WWOX: variants seen among roughly 807,000 people sequenced by gnomAD.
The protein encoded by WWOX is WW domain-containing oxidoreductase.
WWOX carries 69 observed loss-of-function variants against 46.2 expected under a neutral mutation model. The ratio of observed to expected loss-of-function variants is 1.49; its 90% confidence interval spans 1.23 to 1.82. WWOX has a LOEUF of 1.82. WWOX is among the 40% of genes most tolerant of loss of function. The probability of loss-of-function intolerance (pLI) is 0.00; values close to 1 mark genes in which losing one functional copy is unlikely to be tolerated. For missense variants in WWOX, 919 were observed against 542.6 expected (o/e 1.69, Z -6.89); for synonymous variants, 359 against 202.6 (o/e 1.77, Z -6.56).
rs536958569 is a variant in WWOX, at chr16:78,245,856, A to G, written c.516+81567A>G. Reference sequence around the variant, plus strand: ...TTCCAGGTCATAATTAACCTCTTCAAAATAAGAGCAAAGAAAGGCAGGAAA... The same window carrying G: ...TTCCAGGTCATAATTAACCTCTTCAGAATAAGAGCAAAGAAAGGCAGGAAA... On this transcript the variant is annotated intron_variant, in intron 5 of 8. Transcript: ENST00000566780. Among the ~76,000 whole-genome samples the G allele has an allele frequency of 1.6e-4, 25 of 152,324 alleles. No homozygotes were observed. The South Asian group carries it at 2.9e-3, about 18-fold the overall frequency.
intron 8 of WWOX, among the ~76,000 whole-genome samples, chr16:78,718,988 A>G (rs1176831015): frequency 1.3e-5 from 2 of 152,156 alleles, no homozygotes; most frequent in Non-Finnish European, 2.9e-5. Context: ...TGAGTCTGTA[A>G]GATCCCAGGC....
chr16:79,196,668 C>G (rs1330797931), intron 8 of WWOX, among the ~76,000 whole-genome samples: 2 of 152,132 alleles, frequency 1.3e-5, no homozygotes, highest in Non-Finnish European at 2.9e-5. Context: ...TCATCCTGTA[C>G]ACTACCTCCA....
In WWOX at chr16:78,472,845, T is replaced by G. The variant is rs575198698; in HGVS notation, c.1056+40093T>G. Among the ~76,000 whole-genome samples the G allele has an allele frequency of 2.4e-4, 35 of 148,336 alleles. No individual in the cohort carries two copies. In the South Asian group the frequency reaches 6.5e-3, roughly 28 times the overall value. ...AAAAAAAAAAAAAAAAATTATGTCA[T>G]TTCGTTGTCACAGCGTCAGCAGAAT... On this transcript the variant is annotated intron_variant, in intron 8 of 8. Coordinates refer to ENST00000566780, the MANE Select transcript of WWOX (RefSeq NM_016373.4).
chr16:78,865,911 G>A (rs774329512), intron 8 of WWOX, among the ~76,000 whole-genome samples: 4 of 152,128 alleles, frequency 2.6e-5, no homozygotes, highest in Non-Finnish European at 5.9e-5. Flanking sequence ...TGGCCTTTGT[G>A]ATAGTTACTC....
chr16:78,969,494 C>T (rs868626514), intron 8 of WWOX, among the ~76,000 whole-genome samples: 1 of 152,130 alleles, frequency 6.6e-6, no homozygotes, highest in Non-Finnish European at 1.5e-5. Flanking sequence ...TGGTCTCAAA[C>T]TCCTGACCTC....
intron 4 of WWOX, among the ~76,000 whole-genome samples, chr16:78,115,435 G>C (rs1349949295): frequency 4.6e-5 from 7 of 152,146 alleles, no homozygotes; most frequent in Non-Finnish European, 7.4e-5. Flanking sequence ...CCGTCTAAGA[G>C]TTTTTGACCT....
chr16:78,685,115 C>T (rs992306769), intron 8 of WWOX, among the ~76,000 whole-genome samples: 1 of 152,200 alleles, frequency 6.6e-6, no homozygotes, highest in Non-Finnish European at 1.5e-5. Flanking sequence ...ATCTCCACTT[C>T]TCTCTGCAGC....
chr16:79,132,971 T>C (rs2049911103), intron 8 of WWOX, among the ~76,000 whole-genome samples: 1 of 152,202 alleles, frequency 6.6e-6, no homozygotes, highest in Non-Finnish European at 1.5e-5. Flanking sequence ...CCTGGGTCTG[T>C]TCTGTCACTT....
intron 8 of WWOX, among the ~76,000 whole-genome samples, chr16:79,062,587 A>C (rs547669897): frequency 6.6e-6 from 1 of 152,196 alleles, no homozygotes. Flanking sequence ...AGGGGTGGAG[A>C]GTAATGACAA....
At chr16:78,445,368 A>C (rs1396535257) in intron 8 of WWOX, among the ~76,000 whole-genome samples, 1 of 152,166 alleles carries the variant, frequency 6.6e-6, no homozygotes, top group East Asian at 1.9e-4. Context: ...ATGTGCATGC[A>C]TTCATTCATT....
At chr16:78,561,383 C>A (rs1203622830) in intron 8 of WWOX, among the ~76,000 whole-genome samples, 1 of 152,140 alleles carries the variant, frequency 6.6e-6, no homozygotes, top group Non-Finnish European at 1.5e-5. Context: ...ATGTCTAGGT[C>A]TGGATTTCAA....
rs554162911 is a variant in WWOX at position 78,796,018 on chromosome 16, A to G, written c.1056+363266A>G. ...ATGTTTAAATATCCTAAGACCCACT[A>G]AGGAAGTTTGTGGCAATATTTGCTC... On this transcript the variant is annotated intron_variant, in intron 8 of 8. Coordinates refer to ENST00000566780, the MANE Select transcript of WWOX (RefSeq NM_016373.4). Among the ~76,000 whole-genome samples the G allele has an allele frequency of 2.0e-5, 3 of 152,284 alleles. No homozygotes were observed. The South Asian group carries it at 6.2e-4, about 32-fold the overall frequency.
At chr16:78,738,512 C>T (rs1455267481) in intron 8 of WWOX, among the ~76,000 whole-genome samples, 3 of 151,954 alleles carry the variant, frequency 2.0e-5, no homozygotes, top group Non-Finnish European at 4.4e-5. Flanking sequence ...GGAGTATTGG[C>T]ATATGTTAAA....
chr16:78,557,890 T>C (rs886335235), intron 8 of WWOX, among the ~76,000 whole-genome samples: 1 of 151,942 alleles, frequency 6.6e-6, no homozygotes, highest in Admixed American at 6.6e-5. Flanking sequence ...AGAAACAGTG[T>C]TTCACCAGGT....
intron 8 of WWOX, among the ~76,000 whole-genome samples, chr16:78,991,869 C>T (rs2046894214): frequency 6.6e-6 from 1 of 152,136 alleles, no homozygotes; most frequent in African/African-American, 2.4e-5. Flanking sequence ...ATGTGGGGCC[C>T]TGTGGTCTTG....
At chr16:78,350,194 T>C (rs150242477) in intron 5 of WWOX, among the ~76,000 whole-genome samples, 1,709 of 121,422 alleles carry the variant, frequency 0.014, 423 homozygotes, top group Middle Eastern at 0.044. Context: ...TTGCCTGATA[T>C]GTCTCCATCA....
chr16:78,815,398 C>G (rs1374607666), intron 8 of WWOX, among the ~76,000 whole-genome samples: 1 of 152,056 alleles, frequency 6.6e-6, no homozygotes, highest in Non-Finnish European at 1.5e-5. Flanking sequence ...CTGTTACTAA[C>G]TGGAGTACAT....
intron 8 of WWOX, among the ~76,000 whole-genome samples, chr16:78,436,560 G>A (rs568438062): frequency 1.3e-5 from 2 of 152,246 alleles, no homozygotes; most frequent in South Asian, 4.2e-4. Context: ...TACTTTTTTA[G>A]CCATCAGCGT....
chr16:78,305,090 T>C (rs763653635), intron 5 of WWOX, among the ~76,000 whole-genome samples: 81 of 152,192 alleles, frequency 5.3e-4, no homozygotes, highest in Non-Finnish European at 9.4e-4. Context: ...CTGAATTCTG[T>C]CTTTTCTGCT....
Sources: gnomAD v4.1 joint callset for allele counts (sites outside exome capture counted in the v4.1 genomes callset) on GRCh38, gnomAD v4.1.1 for gene constraint, MANE v1.5 for transcripts, NCBI Gene and HGNC (gene_info 2026-07-23, HGNC 2026-07-21) for gene names.